QTMAN: variants seen among roughly 807,000 people sequenced by gnomAD.
The protein encoded by QTMAN is tRNA-queuosine alpha-mannosyltransferase.
the QTMAN span, among the ~76,000 whole-genome samples, chr2:144,253,470 A>G: frequency 6.6e-6 from 1 of 152,338 alleles, no homozygotes; most frequent in East Asian, 1.9e-4. Context: ...GGAACTTCCT[A>G]GAGACTTGTT....
chr2:144,023,816 T>A, the QTMAN span, among the ~76,000 whole-genome samples: 35 of 152,188 alleles, frequency 2.3e-4, no homozygotes, highest in African/African-American at 8.2e-4. Flanking sequence ...AGAAAAGGTA[T>A]TATTCAATGG....
chr2:144,116,309 G>C, the QTMAN span, among the ~76,000 whole-genome samples: 2 of 121,156 alleles, frequency 1.7e-5, no homozygotes, highest in Non-Finnish European at 3.5e-5. Context: ...GTGGGGGGGT[G>C]GGGGGGAGTA....
At chr2:143,972,471 TA>T in the QTMAN span, among the ~76,000 whole-genome samples, 20 of 152,064 alleles carry the variant, frequency 1.3e-4, no homozygotes, top group African/African-American at 4.8e-4. Context: ...TTTTTGGTAT[TA>T]AAGTAAAAGT....
chr2:144,310,206 A>G, the QTMAN span, among the ~76,000 whole-genome samples: 1 of 152,168 alleles, frequency 6.6e-6, no homozygotes, highest in South Asian at 2.1e-4. Flanking sequence ...GGGGATGAAC[A>G]TTACAGGCAG....
chr2:144,226,286 A>G, the QTMAN span, among the ~76,000 whole-genome samples: 1 of 152,212 alleles, frequency 6.6e-6, no homozygotes, highest in Non-Finnish European at 1.5e-5. Context: ...AATTTATTTA[A>G]CAAACATTTA....
the QTMAN span, among the ~76,000 whole-genome samples, chr2:143,947,310 G>A: frequency 1.3e-5 from 2 of 152,176 alleles, no homozygotes; most frequent in Non-Finnish European, 2.9e-5. Context: ...CTCAGTTTCT[G>A]ATTGGTCTAA....
the QTMAN span, among the ~76,000 whole-genome samples, chr2:144,226,535 C>T: frequency 6.6e-6 from 1 of 152,102 alleles, no homozygotes; most frequent in Non-Finnish European, 1.5e-5. Flanking sequence ...AACCCTTCTC[C>T]TAGTACTGCT....
chr2:144,084,080 G>A, the QTMAN span, among the ~76,000 whole-genome samples: 1 of 152,312 alleles, frequency 6.6e-6, no homozygotes, highest in African/African-American at 2.4e-5. Context: ...GGGAAATTGT[G>A]TGAACTAGAG....
chr2:144,180,605 C>T, the QTMAN span, among the ~76,000 whole-genome samples: 1 of 152,070 alleles, frequency 6.6e-6, no homozygotes, highest in Admixed American at 6.6e-5. Flanking sequence ...AATTTTAAAT[C>T]CAATAATTTT....
the QTMAN span, among the ~76,000 whole-genome samples, chr2:144,110,499 C>A: frequency 6.6e-6 from 1 of 151,904 alleles, no homozygotes; most frequent in African/African-American, 2.4e-5. Context: ...ATGTAACAAA[C>A]CTGCACGTTG....
At chr2:144,204,998 TG>T in the QTMAN span, among the ~76,000 whole-genome samples, 1 of 33,860 alleles carries the variant, frequency 3.0e-5, no homozygotes, top group East Asian at 1.4e-3. Context: ...TGTTGTGGGG[TG>T]GGGGGAGGGG....
the QTMAN span, chr2:143,940,931 G>A: frequency 6.6e-6 from 1 of 152,270 alleles, no homozygotes; most frequent in African/African-American, 2.4e-5. Flanking sequence ...TATGGTCATT[G>A]AGAATACAAG....
At chr2:144,312,148 T>C in the QTMAN span, among the ~76,000 whole-genome samples, 1 of 151,678 alleles carries the variant, frequency 6.6e-6, no homozygotes, top group Admixed American at 6.6e-5. Flanking sequence ...GACCCTTCCA[T>C]CTTTCATAGT....
the QTMAN span, among the ~76,000 whole-genome samples, chr2:144,157,971 T>C: frequency 2.2e-4 from 34 of 152,088 alleles, 1 homozygote; most frequent in Middle Eastern, 6.8e-3. Context: ...ATTTCAAATG[T>C]TGAAATATCA....
At chr2:144,034,617 A>T in the QTMAN span, among the ~76,000 whole-genome samples, 1 of 124,174 alleles carries the variant, frequency 8.1e-6, no homozygotes, top group African/African-American at 2.6e-5. Flanking sequence ...TCCATTTGAA[A>T]ATGAAAAAAA....
the QTMAN span, among the ~76,000 whole-genome samples, chr2:144,077,439 C>T: frequency 6.6e-6 from 1 of 152,212 alleles, no homozygotes; most frequent in Non-Finnish European, 1.5e-5. Context: ...AGGCTACTAG[C>T]CACTTAGCAT....
At chr2:144,128,357 T>C in the QTMAN span, 2 of 151,856 alleles carry the variant, frequency 1.3e-5, no homozygotes, top group Non-Finnish European at 1.5e-5. Context: ...GCAAGTGGAG[T>C]TCACTGAGTC....
At chr2:144,064,924 C>G in the QTMAN span, among the ~76,000 whole-genome samples, 1 of 152,058 alleles carries the variant, frequency 6.6e-6, no homozygotes, top group East Asian at 1.9e-4. Context: ...CAGAATAGAT[C>G]AAATGTGATA....
chr2:144,126,429 T>G, the QTMAN span, among the ~76,000 whole-genome samples: 4 of 152,000 alleles, frequency 2.6e-5, no homozygotes, highest in Non-Finnish European at 5.9e-5. Context: ...GAAAAACCAC[T>G]GCTATGAGCT....
Sources: allele counts gnomAD v4.1 joint callset (sites outside exome capture counted in the v4.1 genomes callset), GRCh38; gene constraint gnomAD v4.1.1; transcripts MANE v1.5; gene names NCBI Gene and HGNC (gene_info 2026-07-23, HGNC 2026-07-21).